UBAC2: variants seen among roughly 807,000 people sequenced by gnomAD.
UBAC2 encodes ubiquitin-associated domain-containing protein 2.
UBAC2 carries 26 observed loss-of-function variants against 44.0 expected under a neutral mutation model. The observed-to-expected ratio is 0.59, with a 90% CI of 0.43 to 0.82. UBAC2 has a LOEUF of 0.82. UBAC2 is among the 40% of genes least tolerant of loss of function. The pLI, the probability that UBAC2 is intolerant of heterozygous loss-of-function variation, is 0.00. For synonymous variants in UBAC2, 155 were observed against 154.3 expected, an observed-to-expected ratio of 1.00 and a Z score of -0.04; for missense variants, 329 against 419.4, an observed-to-expected ratio of 0.78 and a Z score of 1.88.
intron 1 of UBAC2, among the ~76,000 whole-genome samples, chr13:99,213,003 C>T (rs9513582): frequency 0.47 from 71,358 of 151,720 alleles, 19,036 homozygotes; most frequent in Non-Finnish European, 0.62. Flanking sequence ...CCCACGCCCA[C>T]GTAACCATTG....
chr13:99,214,612 C>T (rs893323658), intron 1 of UBAC2, among the ~76,000 whole-genome samples: 2 of 152,098 alleles, frequency 1.3e-5, no homozygotes, highest in Non-Finnish European at 2.9e-5. Context: ...TATTACCCTC[C>T]TTGTCCGTTC....
In UBAC2 at chr13:99,295,145, G is replaced by C; in HGVS notation, c.390-18952G>C. Reference sequence around the variant, plus strand: ...ATTTTCTTCAGGGGCTGACTTCACAGCACTAGAAATCGATACACTGACTTG... The same window carrying C: ...ATTTTCTTCAGGGGCTGACTTCACACCACTAGAAATCGATACACTGACTTG... On this transcript the variant is annotated intron_variant, in intron 4 of 8. Coordinates refer to ENST00000403766, the MANE Select transcript of UBAC2 (RefSeq NM_001144072.2). This position sits in a 1 kb window ranked among gnomAD's most constrained non-coding sequence, Gnocchi z 4.1. The C allele has an allele frequency of 6.2e-7, 1 of 1,614,082 alleles. No homozygotes were observed.
At position 99,261,465 on chromosome 13, in the gene UBAC2, A is replaced by G. The variant is rs369221388; in HGVS notation, c.389+16841A>G. Reference sequence around the variant, plus strand: ...GTGTGGTTTTTCTTAAGTCCCAACAATTTACAGCTATAATCTTCTAACCCA... The same window carrying G: ...GTGTGGTTTTTCTTAAGTCCCAACAGTTTACAGCTATAATCTTCTAACCCA... On this transcript the variant is annotated intron_variant, in intron 4 of 8. Coordinates refer to ENST00000403766, the MANE Select transcript of UBAC2 (RefSeq NM_001144072.2). 1.3e-3 allele frequency among the ~76,000 whole-genome samples: 192 copies of G among 152,320 alleles called. 1 individual carries two copies. In the South Asian group the frequency reaches 0.038, roughly 30 times the overall value.
In UBAC2 at chr13:99,243,878, A is replaced by T. The variant is rs1455441934; in HGVS notation, c.206A>T (p.Asp69Val). ...CGRIICLDLK[D>V]TFCSSLLIYN... is the part of the protein sequence containing the mutation. ...AGAATAATTTGCCTTGATTTGAAAGATACTTTCTGCAGTAGTCTGCTTATT... is the reference window on the plus strand; with the variant it reads ...AGAATAATTTGCCTTGATTTGAAAGTTACTTTCTGCAGTAGTCTGCTTATT... Residue 69 changes from aspartate (D) to valine (V), a missense_variant, in exon 3 of 9, where the codon GAT (aspartate) becomes GTT (valine). By Grantham distance (152) the Asp-to-Val change is radical. Coordinates refer to ENST00000403766, the MANE Select transcript of UBAC2 (RefSeq NM_001144072.2). The T allele has an allele frequency of 4.4e-6, 7 of 1,575,668 alleles. No homozygotes were observed. Among genetic ancestry groups the T allele is most frequent in the African/African-American group, 4.0e-5 (3 of 74,204 alleles).
At chr13:99,366,837 G>A (rs191215560) in intron 7 of UBAC2, among the ~76,000 whole-genome samples, 2 of 152,040 alleles carry the variant, frequency 1.3e-5, no homozygotes, top group African/African-American at 2.4e-5. Flanking sequence ...TGCTTCCCAC[G>A]CCCACTTGTT....
chr13:99,255,555 G>T (rs773920225), intron 4 of UBAC2: 12 of 1,614,156 alleles, frequency 7.4e-6, no homozygotes, highest in Non-Finnish European at 8.5e-6. Context: ...ATAAAGCAAT[G>T]CTTGGGTAAA....
At chr13:99,309,965 C>G (rs1250161997) in intron 4 of UBAC2, among the ~76,000 whole-genome samples, 2 of 152,180 alleles carry the variant, frequency 1.3e-5, no homozygotes, top group Non-Finnish European at 1.5e-5. Flanking sequence ...CAAGGTGTCT[C>G]TGTTATTTTA....
chr13:99,207,948 T>G (rs2042891972), intron 1 of UBAC2, among the ~76,000 whole-genome samples: 1 of 151,858 alleles, frequency 6.6e-6, no homozygotes, highest in Non-Finnish European at 1.5e-5. Flanking sequence ...ATTCAGTGTG[T>G]GGGAGATGAT....
At chr13:99,227,826 G>A (rs1240712319) in intron 1 of UBAC2, among the ~76,000 whole-genome samples, 1 of 152,144 alleles carries the variant, frequency 6.6e-6, no homozygotes, top group African/African-American at 2.4e-5. Flanking sequence ...AAAGCAAACC[G>A]TTCATTTATT....
At chr13:99,254,625 CAT>C (rs555373867) in intron 4 of UBAC2, 55 of 356,800 alleles carry the variant, frequency 1.5e-4, no homozygotes, top group South Asian at 2.1e-4. Flanking sequence ...GATTAACACA[CAT>C]GTGTCGCTTG....
intron 8 of UBAC2, among the ~76,000 whole-genome samples, chr13:99,373,442 C>G (rs1162229029): frequency 6.6e-6 from 1 of 152,192 alleles, no homozygotes; most frequent in Non-Finnish European, 1.5e-5. Context: ...CGATTCATGT[C>G]TTTCTTTCCT....
At chr13:99,373,273 A>T (rs1018977574) in intron 8 of UBAC2, among the ~76,000 whole-genome samples, 1 of 151,370 alleles carries the variant, frequency 6.6e-6, no homozygotes, top group African/African-American at 2.4e-5. Context: ...TGATTTTTTT[A>T]AAACCAAAGG....
intron 7 of UBAC2, among the ~76,000 whole-genome samples, chr13:99,345,741 CT>C (rs766632532): frequency 0.015 from 1,906 of 130,878 alleles, 16 homozygotes; most frequent in African/African-American, 0.034. Context: ...TTTTTTCTTT[CT>C]TTTTTTTTTT....
At chr13:99,308,746 G>A (rs1206567807) in intron 4 of UBAC2, 2 of 152,182 alleles carry the variant, frequency 1.3e-5, no homozygotes, top group Non-Finnish European at 2.9e-5. Context: ...TCAGACACAA[G>A]AAAGAGCATC....
chr13:99,373,168 A>ATT (rs2045431173), intron 8 of UBAC2, among the ~76,000 whole-genome samples: 1 of 83,290 alleles, frequency 1.2e-5, no homozygotes, highest in African/African-American at 3.7e-5. Context: ...TCTCTTTTTT[A>ATT]TTGTTTTTTT....
At chr13:99,284,053 G>T (rs1185669104) in intron 4 of UBAC2, among the ~76,000 whole-genome samples, 1 of 152,096 alleles carries the variant, frequency 6.6e-6, no homozygotes, top group Admixed American at 6.6e-5. Flanking sequence ...TATTTTTAAA[G>T]GTAAAACAGT....
At chr13:99,257,691 T>C (rs149387371) in intron 4 of UBAC2, among the ~76,000 whole-genome samples, 36 of 152,346 alleles carry the variant, frequency 2.4e-4, no homozygotes, top group African/African-American at 8.7e-4. Context: ...CATGATTATC[T>C]GTAGCTTTTC....
chr13:99,202,088 A>G (rs992157625), intron 1 of UBAC2, among the ~76,000 whole-genome samples: 2 of 151,902 alleles, frequency 1.3e-5, no homozygotes, highest in African/African-American at 4.8e-5. Flanking sequence ...AAAAAAAAAA[A>G]AAAAAAGATC....
chr13:99,343,319 G>A (rs1470374862), intron 7 of UBAC2, among the ~76,000 whole-genome samples: 2 of 152,146 alleles, frequency 1.3e-5, no homozygotes, highest in Non-Finnish European at 2.9e-5. Flanking sequence ...AGGATTCTAC[G>A]GACCCCCATT....
Sources: gnomAD v4.1 joint callset for allele counts (sites outside exome capture counted in the v4.1 genomes callset) on GRCh38, gnomAD v4.1.1 for gene constraint, Gnocchi (gnomAD v3.1) non-coding constraint, MANE v1.5 for transcripts, NCBI Gene and HGNC (gene_info 2026-07-23, HGNC 2026-07-21) for gene names.